HDAC9: variants seen among roughly 807,000 people sequenced by gnomAD.
The protein encoded by HDAC9 is histone deacetylase 9, also known as MEF-2 interacting transcription repressor (MITR) protein.
In HDAC9, 41 loss-of-function variants were observed where a neutral mutation model predicts 139.4. The ratio of observed to expected loss-of-function variants is 0.29; its 90% CI spans 0.23 to 0.38. The LOEUF (loss-of-function observed/expected upper bound fraction) is 0.38, where lower values mean the gene tolerates loss of function less well. HDAC9 is among the 10% of genes least tolerant of loss of function. The pLI, the probability that HDAC9 is intolerant of heterozygous loss-of-function variation, is 1.00. For missense variants in HDAC9, 1,147 were observed against 1,297.0 expected (o/e 0.88, Z 1.78); for synonymous variants, 517 against 476.2 (o/e 1.09, Z -1.12).
intron 1 of HDAC9, among the ~76,000 whole-genome samples, chr7:18,156,391 C>A (rs2128123607): frequency 6.6e-6 from 1 of 152,316 alleles, no homozygotes; most frequent in East Asian, 1.9e-4. Context: ...TTTGCCCTTT[C>A]TAGATGGTGG....
chr7:18,940,556 AGTG>A (rs1330857287), intron 23 of HDAC9, among the ~76,000 whole-genome samples: 2 of 152,180 alleles, frequency 1.3e-5, no homozygotes, highest in Middle Eastern at 3.2e-3. Context: ...AAGAAATTGA[AGTG>A]AATATTTAAA....
intron 1 of HDAC9, among the ~76,000 whole-genome samples, chr7:18,430,242 G>A (rs763642343): frequency 4.6e-5 from 7 of 151,790 alleles, no homozygotes; most frequent in Non-Finnish European, 7.4e-5. Context: ...ATTTTTTTTG[G>A]CGATGGTGTC....
At chr7:18,222,637 A>G (rs1792785020) in intron 2 of HDAC9, among the ~76,000 whole-genome samples, 1 of 152,116 alleles carries the variant, frequency 6.6e-6, no homozygotes, top group Non-Finnish European at 1.5e-5. Context: ...AGAACTTGTT[A>G]TTTGCAAATG....
At chr7:18,885,071 G>A (rs1307718774) in intron 22 of HDAC9, among the ~76,000 whole-genome samples, 1 of 152,196 alleles carries the variant, frequency 6.6e-6, no homozygotes, top group African/African-American at 2.4e-5. Flanking sequence ...AATACGTTGG[G>A]AATTACAATT....
intron 2 of HDAC9, among the ~76,000 whole-genome samples, chr7:18,539,478 A>G (rs1278750439): frequency 2.6e-5 from 4 of 152,218 alleles, no homozygotes; most frequent in African/African-American, 9.6e-5. Context: ...GATACTAGTA[A>G]AAACTGATGA....
chr7:18,974,649 G>A (rs144582004), intron 24 of HDAC9, among the ~76,000 whole-genome samples: 2 of 152,198 alleles, frequency 1.3e-5, no homozygotes, highest in African/African-American at 4.8e-5. Context: ...TGGTCTTGTT[G>A]GCATGGGGAA....
At chr7:18,824,255 A>G (rs1293935498) in intron 17 of HDAC9, among the ~76,000 whole-genome samples, 4 of 152,326 alleles carry the variant, frequency 2.6e-5, no homozygotes, top group South Asian at 4.1e-4. Context: ...TGGGACTTCC[A>G]GTATCCAGAA....
At chr7:18,426,063 G>A (rs1211964067) in intron 1 of HDAC9, among the ~76,000 whole-genome samples, 2 of 152,124 alleles carry the variant, frequency 1.3e-5, no homozygotes, top group East Asian at 1.9e-4. Context: ...ACACAATTGC[G>A]GAAATGCAGA....
At chr7:18,254,828 T>C (rs1485764612) in intron 2 of HDAC9, among the ~76,000 whole-genome samples, 1 of 152,176 alleles carries the variant, frequency 6.6e-6, no homozygotes, top group Admixed American at 6.5e-5. Flanking sequence ...AATACTAAGG[T>C]GAGTACTATT....
At chr7:18,950,886 G>A (rs926435016) in intron 23 of HDAC9, among the ~76,000 whole-genome samples, 1 of 151,840 alleles carries the variant, frequency 6.6e-6, no homozygotes, top group East Asian at 1.9e-4. Context: ...TAACAAAAAC[G>A]CTAACAAGTC....
chr7:18,991,506 A>G (rs11976337), intron 25 of HDAC9, among the ~76,000 whole-genome samples: 10,911 of 152,128 alleles, frequency 0.072, 975 homozygotes, highest in African/African-American at 0.22. Flanking sequence ...GTGTGGTGGC[A>G]GGCACCTGTA....
chr7:18,228,890 G>A (rs369076384), intron 2 of HDAC9, among the ~76,000 whole-genome samples: 30 of 152,238 alleles, frequency 2.0e-4, no homozygotes, highest in Non-Finnish European at 1.2e-4. Context: ...GAATACAGTC[G>A]TGTGAGCCTG....
chr7:18,716,652 G>A (rs1045916353), intron 12 of HDAC9, among the ~76,000 whole-genome samples: 2 of 152,076 alleles, frequency 1.3e-5, no homozygotes, highest in African/African-American at 4.8e-5. Flanking sequence ...CTGTATATAG[G>A]TAGTAACTTT....
At chr7:18,530,734 G>C (rs140988045) in intron 2 of HDAC9, among the ~76,000 whole-genome samples, 169 of 151,154 alleles carry the variant, frequency 1.1e-3, no homozygotes, top group African/African-American at 3.8e-3. Context: ...ACAGTCTTCT[G>C]ATGTACTTCA....
At chr7:18,267,877 G>T (rs1796100838) in intron 2 of HDAC9, among the ~76,000 whole-genome samples, 1 of 151,964 alleles carries the variant, frequency 6.6e-6, no homozygotes, top group Non-Finnish European at 1.5e-5. Context: ...TTACATAGCT[G>T]TTTATGATAG....
At chr7:18,410,082 T>C (rs1788402610) in intron 1 of HDAC9, among the ~76,000 whole-genome samples, 1 of 152,212 alleles carries the variant, frequency 6.6e-6, no homozygotes, top group Non-Finnish European at 1.5e-5. Context: ...TATAGCACTT[T>C]TGGAACACTA....
chr7:18,563,838 CTTTTT>C (rs374816857), intron 2 of HDAC9, among the ~76,000 whole-genome samples: 1 of 132,972 alleles, frequency 7.5e-6, no homozygotes. Flanking sequence ...TGATTTGCTG[CTTTTT>C]TTTTTTTTTT....
intron 1 of HDAC9, among the ~76,000 whole-genome samples, chr7:18,342,417 T>G (rs576591298): frequency 6.6e-6 from 1 of 152,054 alleles, no homozygotes; most frequent in South Asian, 2.1e-4. Context: ...TCATGTCCAG[T>G]GTCTTAAAAT....
chr7:18,621,893 A>G (rs145354047), intron 6 of HDAC9, among the ~76,000 whole-genome samples: 124 of 152,338 alleles, frequency 8.1e-4, no homozygotes, highest in African/African-American at 2.9e-3. Context: ...CTGTGTTCCC[A>G]AAGTGTCTTT....
Sources: allele counts gnomAD v4.1 joint callset (sites outside exome capture counted in the v4.1 genomes callset), GRCh38; gene constraint gnomAD v4.1.1; transcripts MANE v1.5; gene names NCBI Gene and HGNC (gene_info 2026-07-23, HGNC 2026-07-21).